Variants in PKHD1 observed in about 807,000 individuals in gnomAD.
PKHD1 encodes fibrocystin.
PKHD1 carries 291 observed loss-of-function variants against 412.0 expected under a neutral mutation model. That is an observed-to-expected ratio of 0.71 (90% confidence interval 0.64 to 0.78). The LOEUF (loss-of-function observed/expected upper bound fraction) is 0.78, where lower values mean the gene tolerates loss of function less well. Ranked by LOEUF, PKHD1 falls within the 30% of genes least tolerant of loss-of-function variation. The pLI is 0.00. For synonymous variants in PKHD1, 1,777 were observed against 1,821.5 expected (o/e 0.98, Z 0.62); for missense variants, 4,825 against 4,950.7 (o/e 0.97, Z 0.76).
intron 50 of PKHD1, among the ~76,000 whole-genome samples, chr6:51,845,496 A>G (rs1263338020): frequency 3.9e-5 from 6 of 152,246 alleles, no homozygotes; most frequent in Non-Finnish European, 8.8e-5. Flanking sequence ...TAAACATTCA[A>G]CAAATCCTCT....
chr6:51,792,381 T>C (rs966426973), intron 52 of PKHD1, among the ~76,000 whole-genome samples: 1 of 152,240 alleles, frequency 6.6e-6, no homozygotes, highest in African/African-American at 2.4e-5. Context: ...TAATCTCATC[T>C]CTCATTCTAG....
At chr6:52,045,268 C>T (rs1213080701) in intron 24 of PKHD1, among the ~76,000 whole-genome samples, 180 bp from the exon 25 acceptor site, 1 of 152,088 alleles carries the variant, frequency 6.6e-6, no homozygotes, top group Non-Finnish European at 1.5e-5. Context: ...TGAGGAAAGT[C>T]CCAGTAGATT....
rs1300980603 is a variant in PKHD1 at position 51,916,397 on chromosome 6, GTTAT to G, written c.6122-3825_6122-3822del. ...AAGAAATCTTTGGTTTTTTATTTTT[GTTAT>G]TTATTTTAACAGATTGTACAGATAG... On this transcript the variant is annotated intron_variant, in intron 37 of 66. Coordinates refer to ENST00000371117, the MANE Select transcript of PKHD1 (RefSeq NM_138694.4). Among the ~76,000 whole-genome samples the G allele has an allele frequency of 3.3e-5, 5 of 152,108 alleles. No homozygotes were observed. In the East Asian group the frequency reaches 9.7e-4, roughly 29 times the overall value.
intron 46 of PKHD1, among the ~76,000 whole-genome samples, chr6:51,872,796 A>G (rs995158532): frequency 6.6e-6 from 1 of 151,756 alleles, no homozygotes; most frequent in Non-Finnish European, 1.5e-5. Context: ...ATGAACTTCA[A>G]CCTGGTATCC....
chr6:51,710,151 C>T (rs1582211371), intron 60 of PKHD1, among the ~76,000 whole-genome samples: 2 of 151,962 alleles, frequency 1.3e-5, no homozygotes, highest in South Asian at 2.1e-4. Context: ...CAGAGGTTCC[C>T]GTGAGCCAAG....
In PKHD1 at chr6:51,934,156, A is replaced by G. The variant is rs199747902; in HGVS notation, c.6075T>C (p.Tyr2025=). Residue 2025 remains tyrosine, a synonymous_variant, in exon 37 of 67, where the codon TAT becomes TAC. Coordinates refer to ENST00000371117, the MANE Select transcript of PKHD1 (RefSeq NM_138694.4). ...TCCTCACAGCCAGGAACTTGACTCC[A>G]TAGGGAAAGAAGGGAGTTGAGTAGG... The part of the protein sequence containing the change: ...GSSYSTPFFP[Y]GVKFLAVRNG... 6.2e-6 allele frequency: 10 copies of G among 1,614,022 alleles called. No individual in the cohort carries two copies. The East Asian group carries it at 1.1e-4, about 18-fold the overall frequency.
At chr6:51,933,911 G>A (rs1246253428) in intron 37 of PKHD1, among the ~76,000 whole-genome samples, 199 bp downstream of exon 37, 1 of 152,216 alleles carries the variant, frequency 6.6e-6, no homozygotes, top group Non-Finnish European at 1.5e-5. Flanking sequence ...TACAGAAAGA[G>A]GAGCAAACAA....
At chr6:52,043,954 A>G (rs1354089552) in intron 25 of PKHD1, among the ~76,000 whole-genome samples, 1 of 152,188 alleles carries the variant, frequency 6.6e-6, no homozygotes, top group African/African-American at 2.4e-5. Context: ...CCATTTCTGT[A>G]ATTAAATGTG....
intron 29 of PKHD1, among the ~76,000 whole-genome samples, chr6:52,031,431 A>G (rs2128159938): frequency 6.6e-6 from 1 of 152,326 alleles, no homozygotes; most frequent in East Asian, 1.9e-4. Context: ...CTGTCTATAA[A>G]TGCTGCCTGC....
intron 43 of PKHD1, among the ~76,000 whole-genome samples, chr6:51,891,591 T>C (rs1583223320): frequency 6.6e-6 from 1 of 151,986 alleles, no homozygotes; most frequent in Non-Finnish European, 1.5e-5. Flanking sequence ...CTTTAGGTAT[T>C]ATTAAGGGTA....
chr6:51,946,126 A>G (rs1444085170), intron 36 of PKHD1, among the ~76,000 whole-genome samples: 1 of 152,224 alleles, frequency 6.6e-6, no homozygotes. Flanking sequence ...ACTGAAACAA[A>G]TTGGTAGAAA....
rs1766045120 is a variant in PKHD1, at chr6:51,616,116, AT to A, written c.*2964del. ...ATCATGTACAACTCGATAGTTTGAAATATGTATACATTGTGGAATGGATCAG... is the reference window on the plus strand; with the variant it reads ...ATCATGTACAACTCGATAGTTTGAAAATGTATACATTGTGGAATGGATCAG... On this transcript the variant is annotated 3_prime_UTR_variant, in exon 67 of 67. Transcript: ENST00000371117. 1 of 152,334 alleles carries A rather than the reference AT, an allele frequency of 6.6e-6. No homozygotes were observed. Among genetic ancestry groups the A allele is most frequent in the South Asian group, 2.1e-4 (1 of 4,820 alleles). 9.4% of individuals were successfully genotyped at this position (152,334 alleles called of 1,614,324 possible).
intron 60 of PKHD1, among the ~76,000 whole-genome samples, chr6:51,695,114 T>TAAAAAAATATTATTA (rs1778641016): frequency 6.6e-6 from 1 of 152,144 alleles, no homozygotes; most frequent in African/African-American, 2.4e-5. Flanking sequence ...AAAATGGACT[T>TAAAAAAATATTATTA]AAAAGTATTT....
At chr6:51,780,494 G>T (rs1791813833) in intron 53 of PKHD1, among the ~76,000 whole-genome samples, 1 of 151,806 alleles carries the variant, frequency 6.6e-6, no homozygotes, top group Non-Finnish European at 1.5e-5. Flanking sequence ...AAATGACTTT[G>T]ATAAATCAAT....
chr6:51,962,290 C>T (rs554421420), intron 35 of PKHD1, among the ~76,000 whole-genome samples: 1 of 152,116 alleles, frequency 6.6e-6, no homozygotes, highest in East Asian at 1.9e-4. Flanking sequence ...GTAAAATGAT[C>T]GGGAACAACT....
chr6:52,049,033 C>T (rs557225785), intron 22 of PKHD1, among the ~76,000 whole-genome samples: 4 of 152,212 alleles, frequency 2.6e-5, no homozygotes, highest in East Asian at 1.9e-4. Context: ...GCTGTAGGTA[C>T]GAGAACTCAT....
chr6:51,737,230 G>A (rs1399036510), intron 60 of PKHD1, among the ~76,000 whole-genome samples: 2 of 152,144 alleles, frequency 1.3e-5, no homozygotes, highest in Admixed American at 6.5e-5. Flanking sequence ...ACAGTACTTT[G>A]CTGGAAATAA....
chr6:51,960,583 G>A (rs1188381404), intron 35 of PKHD1, among the ~76,000 whole-genome samples: 1 of 152,138 alleles, frequency 6.6e-6, no homozygotes, highest in Non-Finnish European at 1.5e-5. Flanking sequence ...CTCTTCCTAA[G>A]TGCTCAGATC....
chr6:51,950,188 G>T (rs1198164286), intron 36 of PKHD1, among the ~76,000 whole-genome samples: 1 of 114,540 alleles, frequency 8.7e-6, no homozygotes, highest in African/African-American at 3.4e-5. Flanking sequence ...GCCTGGTACT[G>T]CAGTCAAATG....
Sources: gnomAD v4.1 joint callset for allele counts (sites outside exome capture counted in the v4.1 genomes callset) on GRCh38, gnomAD v4.1.1 for gene constraint, MANE v1.5 for transcripts, NCBI Gene and HGNC (gene_info 2026-07-23, HGNC 2026-07-21) for gene names.